The following DSE variants were observed in gnomAD, a reference collection of about 807,000 sequenced individuals.
DSE encodes the protein dermatan-sulfate epimerase.
A neutral mutation model predicts 84.4 loss-of-function variants in DSE; 36 were observed. That is an observed-to-expected ratio of 0.43 (90% CI 0.33 to 0.56). DSE has a LOEUF of 0.56. Among genes scored for constraint, DSE ranks in the 20% least tolerant of loss-of-function variants. DSE has a pLI of 0.06. For missense variants in DSE, 862 were observed against 1,169.6 expected, an observed-to-expected ratio of 0.74 and a Z score of 3.84; for synonymous variants, 410 against 430.1, an observed-to-expected ratio of 0.95 and a Z score of 0.58.
At position 116,424,248 on chromosome 6, in the gene DSE, G is replaced by A. The variant is rs572369375; in HGVS notation, c.417-2326G>A. On this transcript the variant is annotated intron_variant, in intron 2 of 5. Transcript: ENST00000644252. ...TTCCCAACTCCCTGGCAATGAGTGT[G>A]CAGTATGAATTGTTTTTCTCCTAGA... Among the ~76,000 whole-genome samples the A allele has an allele frequency of 2.0e-5, 3 of 152,318 alleles. No individual in the cohort carries two copies. The East Asian group carries it at 5.8e-4, about 29-fold the overall frequency.
chr6:116,333,361 A>G (rs1022932201), intron 2 of DSE, among the ~76,000 whole-genome samples: 77 of 152,338 alleles, frequency 5.1e-4, no homozygotes, highest in Non-Finnish European at 1.5e-5. Context: ...AAGGCATCAC[A>G]TAGTGAGACA....
chr6:116,399,759 C>G, intron 2 of DSE, 93 bp downstream of exon 2: 2 of 1,264,762 alleles, frequency 1.6e-6, no homozygotes, highest in South Asian at 1.4e-5. Context: ...CTTCATGTAC[C>G]TCTTTGTGTA....
chr6:116,401,072 A>G (rs991501155), intron 2 of DSE: 2 of 152,154 alleles, frequency 1.3e-5, no homozygotes, highest in Non-Finnish European at 1.5e-5. Context: ...CGTGTATTTA[A>G]TCTCACAAGA....
At chr6:116,383,483 A>G (rs1780373424) in intron 1 of DSE, among the ~76,000 whole-genome samples, 1 of 152,210 alleles carries the variant, frequency 6.6e-6, no homozygotes, top group Non-Finnish European at 1.5e-5. Context: ...AGACAGAATG[A>G]AATAAGGACA....
upstream of DSE, among the ~76,000 whole-genome samples, chr6:116,365,415 G>A (rs1258817816): frequency 1.3e-5 from 2 of 151,952 alleles, no homozygotes; most frequent in Non-Finnish European, 2.9e-5. Context: ...CACCACGCCT[G>A]GCTAATTTTT....
intron 2 of DSE, among the ~76,000 whole-genome samples, chr6:116,331,774 T>A (rs1776955634): frequency 6.6e-6 from 1 of 152,086 alleles, no homozygotes; most frequent in Non-Finnish European, 1.5e-5. Context: ...ATGGCCAACA[T>A]GGTGAAACCC....
intron 2 of DSE, among the ~76,000 whole-genome samples, chr6:116,267,857 T>TGAGAGA (rs149576222): frequency 6.7e-6 from 1 of 148,622 alleles, no homozygotes. Flanking sequence ...TGACAAAGCT[T>TGAGAGA]GAGAGAGAGA....
At chr6:116,370,846 G>C, upstream of DSE, 1 of 985,594 alleles carries the variant, frequency 1.0e-6, no homozygotes, top group African/African-American at 1.7e-5. Flanking sequence ...CTCTGGTGAC[G>C]TTGCGGTTTC....
At chr6:116,370,440 G>A, upstream of DSE, 1 of 987,540 alleles carries the variant, frequency 1.0e-6, no homozygotes, top group Non-Finnish European at 1.2e-6. Flanking sequence ...CCGAATTCGA[G>A]AGAAAAGAGG....
intron 2 of DSE, among the ~76,000 whole-genome samples, chr6:116,317,753 T>A (rs1281023700): frequency 6.6e-6 from 1 of 152,228 alleles, no homozygotes; most frequent in Non-Finnish European, 1.5e-5. Flanking sequence ...TGCAATTGTT[T>A]GGGTTTATGT....
rs1777600835 is a variant in DSE, at chr6:116,341,615, T to C, written c.-53-57583T>C. On this transcript the variant is annotated intron_variant, in intron 2 of 3. Transcript: ENST00000430252. ...TGCCTAGGTTTTCTTCTAGGGTTTT[T>C]ATGGTTCCAGGTCTAACATTTAAGT... Among the ~76,000 whole-genome samples the C allele has an allele frequency of 2.0e-5, 3 of 152,396 alleles. 1 individual carries two copies. The highest frequency in any genetic ancestry group is 2.0e-4 in the Admixed American group (3 of 15,314).
At chr6:116,341,421 G>A (rs1777586341) in intron 2 of DSE, among the ~76,000 whole-genome samples, 1 of 152,182 alleles carries the variant, frequency 6.6e-6, no homozygotes, top group Non-Finnish European at 1.5e-5. Flanking sequence ...CTCCCGTTCT[G>A]TAGGTTGCCT....
Position 116,325,903 on chromosome 6 carries a change from A to G in DSE, c.-54+66936A>G, listed in dbSNP as rs373161856. Among the ~76,000 whole-genome samples the G allele has an allele frequency of 1.2e-3, 186 of 152,232 alleles. 6 individuals are homozygous for G. In the South Asian group the frequency reaches 0.038, roughly 31 times the overall value. On this transcript the variant is annotated intron_variant, in intron 2 of 3. Coordinates refer to the DSE transcript ENST00000430252. ...CTCCCTTTTAAGGGCTCACAACTCTAAGGGGATGCACATGAGAGGATCGTG... is the reference window on the plus strand; with the variant it reads ...CTCCCTTTTAAGGGCTCACAACTCTGAGGGGATGCACATGAGAGGATCGTG...
chr6:116,311,821 T>C (rs1007246130), intron 2 of DSE, among the ~76,000 whole-genome samples: 5 of 152,182 alleles, frequency 3.3e-5, no homozygotes, highest in African/African-American at 1.2e-4. Flanking sequence ...CACTAATCTC[T>C]TGGCTTGCTC....
intron 1 of DSE, among the ~76,000 whole-genome samples, chr6:116,389,954 TTA>T (rs757729185): frequency 1.3e-5 from 2 of 148,882 alleles, no homozygotes; most frequent in African/African-American, 2.5e-5. Context: ...CTACAGTTTT[TTA>T]AAAAAAAAAA....
At chr6:116,382,041 G>GTGTGTGTGTT (rs1468265958) in intron 1 of DSE, among the ~76,000 whole-genome samples, 3 of 143,480 alleles carry the variant, frequency 2.1e-5, no homozygotes, top group Admixed American at 1.4e-4. Flanking sequence ...GGCATTCTGT[G>GTGTGTGTGTT]TGTGTGTGTG....
chr6:116,331,727 G>A (rs1166431377), intron 2 of DSE, among the ~76,000 whole-genome samples: 2 of 152,184 alleles, frequency 1.3e-5, no homozygotes, highest in East Asian at 1.9e-4. Flanking sequence ...GGGAGGCAGA[G>A]GCAAGCAGAT....
intron 2 of DSE, among the ~76,000 whole-genome samples, chr6:116,293,567 C>T (rs112206245): frequency 6.6e-6 from 1 of 152,140 alleles, no homozygotes. Context: ...ACTTAATTTA[C>T]TGGGTTGTAC....
At chr6:116,395,016 G>T (rs1342081090) in intron 1 of DSE, among the ~76,000 whole-genome samples, 3 of 152,226 alleles carry the variant, frequency 2.0e-5, no homozygotes, top group African/African-American at 7.2e-5. Flanking sequence ...ATGAAGTAGG[G>T]GGTGAATAGC....
Sources: gnomAD v4.1 joint callset for allele counts (sites outside exome capture counted in the v4.1 genomes callset) on GRCh38, gnomAD v4.1.1 for gene constraint, MANE v1.5 for transcripts, NCBI Gene and HGNC (gene_info 2026-07-23, HGNC 2026-07-21) for gene names.